The following ITPR3 variants were observed in gnomAD, a reference collection of about 807,000 sequenced individuals.
ITPR3 encodes the protein inositol 1,4,5-trisphosphate receptor type 3.
A neutral mutation model predicts 293.2 loss-of-function variants in ITPR3; 173 were observed. That is an observed-to-expected ratio of 0.59 (90% CI 0.52 to 0.67). ITPR3 has a LOEUF of 0.67. Among genes scored for constraint, ITPR3 ranks in the 30% least tolerant of loss-of-function variants. The pLI is 0.00. For missense variants in ITPR3, 2,796 were observed against 3,592.1 expected (o/e 0.78, Z 5.66); for synonymous variants, 1,295 against 1,444.4 (o/e 0.90, Z 2.35).
At chr6:33,631,950 A>T (rs1763692443) in intron 1 of ITPR3, among the ~76,000 whole-genome samples, 1 of 152,254 alleles carries the variant, frequency 6.6e-6, no homozygotes. Context: ...GAGTAATATT[A>T]AAAGCTAAAG....
rs752820121 is a variant in ITPR3, at chr6:33,672,149, C to T, written c.2849C>T (p.Pro950Leu). The change falls in exon 22 of 58, where the codon CCG becomes CTG. Residue 950 changes from proline to leucine, a missense_variant. Physicochemically the swap from Pro to Leu is moderately conservative, Grantham distance 98. This residue lies in a region of ITPR3 where 955 missense variants were observed against 1,180.8 expected (regional missense o/e 0.81). Transcript: ENST00000605930. The surrounding 1 kb of genome is among the most constrained non-coding windows in gnomAD (Gnocchi z 5.0). ...TCTGCTGGGGCCAGTGCTGCTGAGC[C>T]GCTGGACAGAAGCAAGTTTGAGGAG... ...SLSAGASAAE[P>L]LDRSKFEENE... 1.1e-5 allele frequency: 17 copies of T among 1,613,932 alleles called. No homozygotes were observed. Among genetic ancestry groups the T allele is most frequent in the South Asian group, 5.5e-5 (5 of 91,070 alleles).
Position 33,688,547 on chromosome 6 carries a change from A to C in ITPR3, c.6569-109A>C. 2 of 1,536,214 alleles carry C rather than the reference A, an allele frequency of 1.3e-6. 1 individual carries two copies. Among genetic ancestry groups the C allele is most frequent in the Middle Eastern group, 4.2e-4 (2 of 4,800 alleles). ...CTGCGCCCAACCCCGCCTCACCCCAAGGAAGGGCTCTTCCATGTGTGGCTT... is the reference window on the plus strand; with the variant it reads ...CTGCGCCCAACCCCGCCTCACCCCACGGAAGGGCTCTTCCATGTGTGGCTT... On this transcript the variant is annotated intron_variant, in intron 48 of 57. Transcript: ENST00000605930.
chr6:33,670,182 C>T lies in ITPR3; in HGVS notation c.2190-143C>T. On this transcript the variant is annotated intron_variant, in intron 18 of 57. Transcript: ENST00000605930. This position sits in a 1 kb window ranked among gnomAD's most constrained non-coding sequence, Gnocchi z 6.7. ...TATCACAGACAGGTTTTCCGTTCACCTTTCTAACTCAGAATTGCAGCTGGC... is the reference window on the plus strand; with the variant it reads ...TATCACAGACAGGTTTTCCGTTCACTTTTCTAACTCAGAATTGCAGCTGGC... 3 of 864,156 alleles carry T rather than the reference C, an allele frequency of 3.5e-6. No homozygotes were observed. Among genetic ancestry groups the T allele is most frequent in the Non-Finnish European group, 5.4e-6 (3 of 554,342 alleles). The allele number at this position is 864,156 out of a possible 1,614,324, so 53.5% of individuals were successfully genotyped here. A position where few individuals can be genotyped will look rare whatever the true frequency, so the allele number is the denominator to read the frequency against.
intron 55 of ITPR3, 108 bp downstream of exon 55, chr6:33,693,001 G>A: frequency 1.8e-6 from 2 of 1,134,608 alleles, no homozygotes; most frequent in South Asian, 3.0e-5. Flanking sequence ...CCCTGGCCCG[G>A]AGCTGATGAC....
intron 7 of ITPR3, 147 bp downstream of exon 7, chr6:33,659,696 G>A (rs910542629): frequency 6.1e-6 from 4 of 660,824 alleles, no homozygotes; most frequent in Non-Finnish European, 8.0e-6. Flanking sequence ...CCTCCACAGG[G>A]CCCCACCCAC....
Position 33,678,753 on chromosome 6 carries a change from C to T in ITPR3, c.3886C>T (p.His1296Tyr), listed in dbSNP as rs1438076929. ...FVHLLATHGRHVQYLDFLHTV... is the reference protein window; with the variant it reads ...FVHLLATHGRYVQYLDFLHTV... ...GCACCTGCTGGCCACGCACGGGCGCCATGTGCAGTACCTGGACTTCCTGCA... is the reference window on the plus strand; with the variant it reads ...GCACCTGCTGGCCACGCACGGGCGCTATGTGCAGTACCTGGACTTCCTGCA... Residue 1296 changes from histidine (H) to tyrosine (Y), a missense_variant, in exon 30 of 58, where the codon CAT (histidine) becomes TAT (tyrosine). Physicochemically the swap from His to Tyr is moderately conservative, Grantham distance 83 (BLOSUM62 2). Transcript: ENST00000605930. 5 of 1,613,452 alleles carry T rather than the reference C, an allele frequency of 3.1e-6. No individual in the cohort carries two copies. Among genetic ancestry groups the T allele is most frequent in the Non-Finnish European group, 3.4e-6 (4 of 1,179,898 alleles).
intron 3 of ITPR3, among the ~76,000 whole-genome samples, chr6:33,656,664 C>T (rs1419525986): frequency 6.6e-6 from 1 of 152,228 alleles, no homozygotes; most frequent in East Asian, 1.9e-4. Flanking sequence ...GCTCAGTTCA[C>T]ATCCTGGGCA....
rs932870079 is a variant in ITPR3 at position 33,633,288 on chromosome 6, T to C, written c.90-7196T>C. Among the ~76,000 whole-genome samples the C allele has an allele frequency of 2.0e-5, 3 of 152,068 alleles. No individual in the cohort carries two copies. The highest frequency in any genetic ancestry group is 1.9e-4 in the East Asian group (1 of 5,166). ...GCTGGTAAAGGGTGGGAACAGGTCT[T>C]TTCTGGGGCCCGTGGGTGGAGGGAC... On this transcript the variant is annotated intron_variant, in intron 1 of 57. Coordinates refer to ENST00000605930, the MANE Select transcript of ITPR3 (RefSeq NM_002224.4). This position sits in a 1 kb window ranked among gnomAD's most constrained non-coding sequence, Gnocchi z 5.2.
chr6:33,640,774 T>C lies in ITPR3; in HGVS notation c.160+220T>C, dbSNP rs1203035279. ...TCATTTTCTGGGGCCACACCCCACT[T>C]CTCAGGGGCACACCCACTTCTGGCC... On this transcript the variant is annotated intron_variant, in intron 2 of 57. Coordinates refer to ENST00000605930, the MANE Select transcript of ITPR3 (RefSeq NM_002224.4). Among the ~76,000 whole-genome samples the C allele has an allele frequency of 1.3e-5, 2 of 152,174 alleles. 1 individual carries two copies. Among genetic ancestry groups the C allele is most frequent in the Admixed American group, 1.3e-4 (2 of 15,290 alleles).
In ITPR3 at chr6:33,687,199, G is replaced by A. The variant is rs201587331; in HGVS notation, c.6076-27G>A. The A allele has an allele frequency of 3.2e-4, 506 of 1,598,646 alleles. 2 individuals are homozygous for A. In the African/African-American group the frequency reaches 4.7e-3, roughly 15 times the overall value. ...CTGGCCCTACCGCCCTAGGAAGAGAGCATTGGAACAGGCACTGCCCCTCCA... is the reference window on the plus strand; with the variant it reads ...CTGGCCCTACCGCCCTAGGAAGAGAACATTGGAACAGGCACTGCCCCTCCA... On this transcript the variant is annotated intron_variant, in intron 44 of 57. Coordinates refer to ENST00000605930, the MANE Select transcript of ITPR3 (RefSeq NM_002224.4). The surrounding 1 kb of genome is among the most constrained non-coding windows in gnomAD (Gnocchi z 5.3).
chr6:33,687,979 G>A lies in ITPR3; in HGVS notation c.6265-78G>A. 8.6e-7 allele frequency: 1 copy of A among 1,160,260 alleles called. No individual in the cohort carries two copies. Among genetic ancestry groups the A allele is most frequent in the Non-Finnish European group, 1.3e-6 (1 of 799,252 alleles). The allele number at this position is 1,160,260 out of a possible 1,614,324, so 71.9% of individuals were successfully genotyped here. A position where few individuals can be genotyped will look rare whatever the true frequency, so the allele number is the denominator to read the frequency against. On this transcript the variant is annotated intron_variant, in intron 46 of 57. Transcript: ENST00000605930. The surrounding 1 kb of genome is among the most constrained non-coding windows in gnomAD (Gnocchi z 5.3). The stretch of plus-strand genomic sequence containing the variant: ...GAAGTGTAGTTCAGAGCTAGGCGAA[G>A]GCCTGGGAGGGTGGGGGCTGAGTGC...
In ITPR3 at chr6:33,688,207, G is replaced by A. The variant is rs113148223; in HGVS notation, c.6376-32G>A. 6,086 of 1,614,004 alleles carry A rather than the reference G, an allele frequency of 3.8e-3. 115 individuals are homozygous for A. The highest frequency in any genetic ancestry group is 0.035 in the South Asian group (3,143 of 91,074). ...AGCAGGGGCGGGCGTGGGAGCCTGC[G>A]CCGGGCGTGACCATGTGCTGTGTGT... On this transcript the variant is annotated intron_variant, in intron 47 of 57. Transcript: ENST00000605930.
chr6:33,694,824 A>G (rs1472256241), intron 56 of ITPR3, 100 bp from the exon 57 acceptor site: 1 of 1,443,650 alleles, frequency 6.9e-7, no homozygotes, highest in Non-Finnish European at 9.7e-7. Context: ...TAGTTTTGTT[A>G]AGGGTGTGGC....
intron 1 of ITPR3, among the ~76,000 whole-genome samples, chr6:33,634,236 A>C (rs9469534): frequency 0.016 from 2,371 of 151,842 alleles, 62 homozygotes; most frequent in African/African-American, 0.051. Flanking sequence ...CACCTTCTTT[A>C]TCTACACACA....
rs563569016 is a variant in ITPR3 at position 33,695,416 on chromosome 6, T to C, written c.7948-296T>C. The C allele has an allele frequency of 6.8e-5, 38 of 562,194 alleles. 1 individual carries two copies. The highest frequency in any genetic ancestry group is 5.4e-4 in the African/African-American group (29 of 53,444). 34.8% of individuals were successfully genotyped at this position (562,194 alleles called of 1,614,324 possible). On this transcript the variant is annotated intron_variant, in intron 57 of 57. Coordinates refer to ENST00000605930, the MANE Select transcript of ITPR3 (RefSeq NM_002224.4). Reference sequence around the variant, plus strand: ...GAGATGGGGGAGTTTAAGGCCCTCTTGCCTAGACATCCTCTTCTGCATCTG... The same window carrying C: ...GAGATGGGGGAGTTTAAGGCCCTCTCGCCTAGACATCCTCTTCTGCATCTG...
intron 11 of ITPR3, 52 bp downstream of exon 11, chr6:33,663,932 C>CCA (rs1561864893): frequency 2.5e-6 from 4 of 1,603,374 alleles, no homozygotes; most frequent in Admixed American, 3.4e-5. Flanking sequence ...CAGGGTGGGC[C>CCA]CTCCTGTCTC....
In ITPR3 at chr6:33,665,047, C is replaced by A. The variant is rs2127273791; in HGVS notation, c.1249-6C>A. 1 of 1,613,738 alleles carries A rather than the reference C, an allele frequency of 6.2e-7. No individual in the cohort carries two copies. The highest frequency in any genetic ancestry group is 1.1e-5 in the South Asian group (1 of 91,092). ...CCAGGTGCCCTGCTGACCCCTGTCT[C>A]TGCAGCTGGGCACCTGCCCCACCAA... On this transcript the variant is annotated splice_polypyrimidine_tract_variant and splice_region_variant and intron_variant, in intron 12 of 57. Coordinates refer to ENST00000605930, the MANE Select transcript of ITPR3 (RefSeq NM_002224.4).
At position 33,684,500 on chromosome 6, in the gene ITPR3, C is replaced by G. The variant is rs1765168843; in HGVS notation, c.5046+35C>G. The G allele has an allele frequency of 6.2e-7, 1 of 1,607,198 alleles. No homozygotes were observed. The highest frequency in any genetic ancestry group is 1.3e-5 in the African/African-American group (1 of 74,740). ...CTGGTGGGGCAAGTGCTGGGTGGGC[C>G]AGTCAGGAGTACCCAGGGGCTCAGG... On this transcript the variant is annotated intron_variant, in intron 37 of 57. Coordinates refer to ENST00000605930, the MANE Select transcript of ITPR3 (RefSeq NM_002224.4). The surrounding 1 kb of genome is among the most constrained non-coding windows in gnomAD (Gnocchi z 4.2).
At position 33,683,923 on chromosome 6, in the gene ITPR3, C is replaced by G; in HGVS notation, c.4789-97C>G. 7.3e-7 allele frequency: 1 copy of G among 1,373,660 alleles called. No individual in the cohort carries two copies. 85.1% of individuals were successfully genotyped at this position (1,373,660 alleles called of 1,614,324 possible). A position where few individuals can be genotyped will look rare whatever the true frequency, so the allele number is the denominator to read the frequency against. On this transcript the variant is annotated intron_variant, in intron 35 of 57. Transcript: ENST00000605930. The surrounding 1 kb of genome is among the most constrained non-coding windows in gnomAD (Gnocchi z 4.5). Reference sequence around the variant, plus strand: ...GTGGGCCCCTCAGACAGAGGCAGGGCAATCTGTGGGGCTGTTTGGCGTTTG... The same window carrying G: ...GTGGGCCCCTCAGACAGAGGCAGGGGAATCTGTGGGGCTGTTTGGCGTTTG...
Sources: gnomAD v4.1 joint callset for allele counts (sites outside exome capture counted in the v4.1 genomes callset) on GRCh38, gnomAD v4.1.1 for gene constraint, gnomAD v4.1.1 regional missense constraint, Gnocchi (gnomAD v3.1) non-coding constraint, MANE v1.5 for transcripts, NCBI Gene and HGNC (gene_info 2026-07-23, HGNC 2026-07-21) for gene names.